The following LRP1B variants were observed in gnomAD, a reference collection of about 807,000 sequenced individuals.
The protein encoded by LRP1B is low-density lipoprotein receptor-related protein 1B.
Under a neutral mutation model 556.6 loss-of-function variants are expected in LRP1B, and 217 were observed. That is an observed-to-expected ratio of 0.39 (90% CI 0.35 to 0.44). LRP1B has a LOEUF of 0.44. Ranked by LOEUF, LRP1B falls within the 20% of genes least tolerant of loss-of-function variation. LRP1B has a pLI of 1.00. For synonymous variants in LRP1B, 2,047 were observed against 1,865.8 expected (o/e 1.10, Z -2.50); for missense variants, 5,053 against 5,620.8 (o/e 0.90, Z 3.23).
chr2:140,268,538 C>CA (rs1474058793), intron 86 of LRP1B, among the ~76,000 whole-genome samples: 2 of 151,918 alleles, frequency 1.3e-5, no homozygotes, highest in Non-Finnish European at 2.9e-5. Context: ...TATCAGATTC[C>CA]AATCAGGGCT....
At chr2:140,588,959 T>C (rs1423473762) in intron 43 of LRP1B, among the ~76,000 whole-genome samples, 2 of 103,766 alleles carry the variant, frequency 1.9e-5, no homozygotes, top group Non-Finnish European at 4.1e-5. Flanking sequence ...CGAGACTCCG[T>C]CTCAAAGAAA....
chr2:140,888,895 A>ATG (rs1693717081), intron 23 of LRP1B, among the ~76,000 whole-genome samples: 2 of 150,236 alleles, frequency 1.3e-5, no homozygotes, highest in Non-Finnish European at 3.0e-5. Flanking sequence ...CCTGGGAGGC[A>ATG]GAGGTTGCAG....
intron 2 of LRP1B, among the ~76,000 whole-genome samples, chr2:141,652,294 C>G (rs1574197416): frequency 6.6e-6 from 1 of 152,240 alleles, no homozygotes; most frequent in Admixed American, 6.5e-5. Context: ...AATTCAGAAG[C>G]TATTTCTTAT....
intron 3 of LRP1B, among the ~76,000 whole-genome samples, chr2:141,361,415 T>C (rs1011321135): frequency 6.6e-6 from 1 of 152,180 alleles, no homozygotes; most frequent in African/African-American, 2.4e-5. Flanking sequence ...ATTATATTCA[T>C]ATATTTAAAG....
At chr2:140,382,018 T>C (rs1425496624) in intron 67 of LRP1B, among the ~76,000 whole-genome samples, 1 of 151,830 alleles carries the variant, frequency 6.6e-6, no homozygotes, top group African/African-American at 2.4e-5. Context: ...CTGTAGAAAA[T>C]TATGTTCAGG....
rs76503272 is a variant in LRP1B, at chr2:141,251,035, T to C, written c.463+3487A>G. On this transcript the variant is annotated intron_variant, in intron 4 of 90. Coordinates refer to ENST00000389484, the MANE Select transcript of LRP1B (RefSeq NM_018557.3). ...TTACTACATATACAAATTGTCTTGTTTGCATGGATTTTATAATTGTGGAAA... is the reference window on the plus strand; with the variant it reads ...TTACTACATATACAAATTGTCTTGTCTGCATGGATTTTATAATTGTGGAAA... Among the ~76,000 whole-genome samples the C allele has an allele frequency of 3.0e-3, 461 of 152,308 alleles. 3 individuals are homozygous for C. Among genetic ancestry groups the C allele is most frequent in the African/African-American group, 0.011 (443 of 41,572 alleles).
At chr2:141,380,058 G>T (rs1689579159) in intron 3 of LRP1B, among the ~76,000 whole-genome samples, 1 of 152,104 alleles carries the variant, frequency 6.6e-6, no homozygotes, top group African/African-American at 2.4e-5. Context: ...TGTAGAGTCT[G>T]ATTTTTCGTG....
chr2:141,249,285 T>G (rs1684179016), intron 4 of LRP1B, among the ~76,000 whole-genome samples: 1 of 152,092 alleles, frequency 6.6e-6, no homozygotes, highest in African/African-American at 2.4e-5. Context: ...GATACCAAAG[T>G]GGAAAGGGCA....
intron 31 of LRP1B, among the ~76,000 whole-genome samples, chr2:140,833,830 T>C (rs1307051508): frequency 6.6e-6 from 1 of 152,138 alleles, no homozygotes; most frequent in Non-Finnish European, 1.5e-5. Flanking sequence ...GTTTAATATG[T>C]TTTAAAGGGG....
chr2:140,325,385 G>A (rs1458430473), intron 80 of LRP1B, among the ~76,000 whole-genome samples: 1 of 152,180 alleles, frequency 6.6e-6, no homozygotes, highest in East Asian at 1.9e-4. Context: ...GTGATATTTT[G>A]CTACATACAG....
chr2:141,801,252 C>A (rs1315666596), intron 2 of LRP1B, among the ~76,000 whole-genome samples: 1 of 152,012 alleles, frequency 6.6e-6, no homozygotes, highest in Admixed American at 6.6e-5. Context: ...GTACTTAGGT[C>A]AAGTATACAA....
chr2:141,239,532 A>T (rs1683784136), intron 5 of LRP1B, among the ~76,000 whole-genome samples: 1 of 152,098 alleles, frequency 6.6e-6, no homozygotes, highest in Admixed American at 6.6e-5. Flanking sequence ...GATTAAAGAA[A>T]TAAAGAAGAC....
chr2:140,991,565 C>T (rs1349326355), intron 16 of LRP1B, among the ~76,000 whole-genome samples: 2 of 151,926 alleles, frequency 1.3e-5, no homozygotes, highest in South Asian at 2.1e-4. Flanking sequence ...TGTGCTAGAC[C>T]GAGAGACTAC....
At chr2:141,133,407 G>A (rs1701411713) in intron 7 of LRP1B, among the ~76,000 whole-genome samples, 1 of 149,986 alleles carries the variant, frequency 6.7e-6, no homozygotes, top group East Asian at 2.0e-4. Context: ...ATCCTAACTT[G>A]CAACGGACAT....
chr2:141,886,931 ATG>A (rs1339629370), intron 1 of LRP1B, among the ~76,000 whole-genome samples: 2 of 146,592 alleles, frequency 1.4e-5, no homozygotes, highest in African/African-American at 5.0e-5. Context: ...GTGTGTGTGT[ATG>A]TGTGTGAGGG....
intron 11 of LRP1B, among the ~76,000 whole-genome samples, chr2:141,045,417 T>C (rs946209451): frequency 5.5e-5 from 8 of 144,474 alleles, no homozygotes; most frequent in African/African-American, 2.1e-4. Flanking sequence ...ACTTAAAGTG[T>C]AATAATAAAA....
At chr2:141,638,915 A>G (rs1205545465) in intron 2 of LRP1B, among the ~76,000 whole-genome samples, 5 of 45,326 alleles carry the variant, frequency 1.1e-4, no homozygotes, top group South Asian at 8.1e-4. Flanking sequence ...GTGTGTGTGT[A>G]TACATACACA....
chr2:141,267,683 G>A (rs1006781498), intron 3 of LRP1B, among the ~76,000 whole-genome samples: 1 of 152,048 alleles, frequency 6.6e-6, no homozygotes, highest in Non-Finnish European at 1.5e-5. Flanking sequence ...TTTACCAGAG[G>A]GACCTGAGAA....
At chr2:140,720,560 T>C (rs184440642) in intron 35 of LRP1B, among the ~76,000 whole-genome samples, 19 of 152,192 alleles carry the variant, frequency 1.2e-4, no homozygotes, top group Admixed American at 4.6e-4. Flanking sequence ...ATGAGAAATA[T>C]TACATTTTTT....
Sources: gnomAD v4.1 joint callset for allele counts (sites outside exome capture counted in the v4.1 genomes callset) on GRCh38, gnomAD v4.1.1 for gene constraint, MANE v1.5 for transcripts, NCBI Gene and HGNC (gene_info 2026-07-23, HGNC 2026-07-21) for gene names.